GLRA2: variants seen among roughly 807,000 people sequenced by gnomAD.
GLRA2 encodes the protein glycine receptor subunit alpha-2.
Under a neutral mutation model 31.6 loss-of-function variants are expected in GLRA2, and 11 were observed. The observed-to-expected ratio is 0.35, with a 90% CI of 0.22 to 0.58. The LOEUF is 0.58. GLRA2 is among the 20% of genes least tolerant of loss of function. The probability of loss-of-function intolerance (pLI) is 0.84; values close to 1 mark genes in which losing one functional copy is unlikely to be tolerated. For missense variants in GLRA2, 212 were observed against 351.8 expected, an observed-to-expected ratio of 0.60 and a Z score of 3.18; for synonymous variants, 132 against 134.0, an observed-to-expected ratio of 0.99 and a Z score of 0.10.
At chrX:14,684,654 C>T (rs367789880) in intron 7 of GLRA2, among the ~76,000 whole-genome samples, 1 of 111,701 alleles carries the variant, frequency 9.0e-6, no homozygotes, top group African/African-American at 3.3e-5. Context: ...GTGATTTTTG[C>T]ACATTGATTT....
At chrX:14,572,983 C>T (rs190030408) in intron 2 of GLRA2, among the ~76,000 whole-genome samples, 2 of 111,742 alleles carry the variant, frequency 1.8e-5, no homozygotes, top group East Asian at 5.6e-4. Flanking sequence ...AAAGAGAGTT[C>T]TGAGGGGTAT....
intron 8 of GLRA2, among the ~76,000 whole-genome samples, chrX:14,691,345 A>G (rs1021932857): frequency 9.5e-6 from 1 of 105,007 alleles, no homozygotes; most frequent in Non-Finnish European, 1.9e-5. Context: ...GTGCGTGTAC[A>G]TCACTGATCT....
the GLRA2 span, among the ~76,000 whole-genome samples, chrX:14,454,218 A>G: frequency 4.6e-5 from 5 of 108,747 alleles, no homozygotes; most frequent in Non-Finnish European, 9.6e-5. Context: ...ACACACACAC[A>G]CACGCACACA....
the GLRA2 span, among the ~76,000 whole-genome samples, chrX:14,469,796 GTAAC>G: frequency 3.7e-5 from 4 of 107,397 alleles, no homozygotes; most frequent in African/African-American, 1.4e-4. Flanking sequence ...GTATACATAT[GTAAC>G]TAACCTGCAC....
chrX:14,627,794 T>C (rs1417526138), intron 7 of GLRA2, among the ~76,000 whole-genome samples: 1 of 111,943 alleles, frequency 8.9e-6, no homozygotes, highest in Non-Finnish European at 1.9e-5. Flanking sequence ...CCTAATAATG[T>C]TTCTTGCCCT....
intron 8 of GLRA2, among the ~76,000 whole-genome samples, chrX:14,700,630 C>G (rs999738544): frequency 9.9e-5 from 11 of 111,538 alleles, no homozygotes; most frequent in Non-Finnish European, 1.9e-4. Context: ...CAACAGCAGG[C>G]TCAGTGGAGA....
At chrX:14,688,226 C>CA (rs1333136808) in intron 7 of GLRA2, among the ~76,000 whole-genome samples, 1 of 111,438 alleles carries the variant, frequency 9.0e-6, no homozygotes, top group African/African-American at 3.3e-5. Context: ...GGGGTGCCTC[C>CA]CAGTTAGGCT....
upstream of GLRA2, among the ~76,000 whole-genome samples, chrX:14,527,173 C>A (rs2089190124): frequency 2.7e-5 from 3 of 111,582 alleles, no homozygotes; most frequent in Non-Finnish European, 5.7e-5. Context: ...GCTGAGAAAT[C>A]AAATGAGGAG....
At chrX:14,645,914 C>T (rs1484826686) in intron 7 of GLRA2, among the ~76,000 whole-genome samples, 1 of 111,885 alleles carries the variant, frequency 8.9e-6, no homozygotes, top group African/African-American at 3.3e-5. Flanking sequence ...AAAAAATTAG[C>T]TCTTCTACCT....
At chrX:14,532,139 C>T in intron 1 of GLRA2, 100 bp from the exon 2 acceptor site, 2 of 585,022 alleles carry the variant, frequency 3.4e-6, no homozygotes, top group Non-Finnish European at 5.0e-6. Context: ...ACTAACATAT[C>T]AAATATCTTT....
At chrX:14,534,626 C>G (rs2077444701) in intron 2 of GLRA2, among the ~76,000 whole-genome samples, 1 of 110,720 alleles carries the variant, frequency 9.0e-6, no homozygotes, top group African/African-American at 3.3e-5. Context: ...AGGGAAGTAC[C>G]TTATTTTATA....
At chrX:14,692,575 A>C (rs148643611) in intron 8 of GLRA2, among the ~76,000 whole-genome samples, 3,000 of 111,754 alleles carry the variant, frequency 0.027, 72 homozygotes, top group African/African-American at 0.078. Context: ...AAACATACTA[A>C]TTCTCAGCAA....
At chrX:14,469,778 T>C in the GLRA2 span, among the ~76,000 whole-genome samples, 1 of 106,638 alleles carries the variant, frequency 9.4e-6, no homozygotes, top group Admixed American at 1.0e-4. Context: ...CACACCAGCA[T>C]GGCACGTGTA....
At position 14,573,314 on chromosome X, in the gene GLRA2, C is replaced by T. The variant is rs756119446; in HGVS notation, c.203-1019C>T. Among the ~76,000 whole-genome samples the T allele has an allele frequency of 1.3e-3, 141 of 111,762 alleles. 1 individual carries two copies. Among genetic ancestry groups the T allele is most frequent in the African/African-American group, 4.6e-3 (140 of 30,753 alleles). On this transcript the variant is annotated intron_variant, in intron 2 of 8. Transcript: ENST00000218075. ...AGTGCTGCCATAACTTGTGTTTTCA[C>T]TGCCTTCGAGGGAGGCCTCAAGCCA...
chrX:14,701,412 T>C (rs985785971), intron 8 of GLRA2, among the ~76,000 whole-genome samples: 42 of 111,418 alleles, frequency 3.8e-4, no homozygotes, highest in Admixed American at 1.3e-3. Flanking sequence ...AATTTCAAGA[T>C]GGCAACAGCA....
chrX:14,457,513 T>C, the GLRA2 span, among the ~76,000 whole-genome samples: 1 of 111,917 alleles, frequency 8.9e-6, no homozygotes, highest in Non-Finnish European at 1.9e-5. Context: ...TCCATGTCCC[T>C]GCAAAGGATA....
intron 8 of GLRA2, among the ~76,000 whole-genome samples, chrX:14,715,227 G>A (rs975309884): frequency 6.3e-5 from 7 of 111,913 alleles, no homozygotes; most frequent in Admixed American, 4.7e-4. Context: ...AAAAATGGAC[G>A]GTGTTTCAAA....
chrX:14,684,367 C>T (rs1162782819), intron 7 of GLRA2, among the ~76,000 whole-genome samples: 1 of 111,500 alleles, frequency 9.0e-6, no homozygotes, highest in African/African-American at 3.3e-5. Flanking sequence ...GCATTGGTAG[C>T]TTGATTGGGG....
At chrX:14,678,028 C>T (rs960251414) in intron 7 of GLRA2, among the ~76,000 whole-genome samples, 3 of 112,077 alleles carry the variant, frequency 2.7e-5, no homozygotes, top group Non-Finnish European at 5.6e-5. Flanking sequence ...GCCAATAGCA[C>T]TGCTCCCTGG....
Sources: gnomAD v4.1 joint callset for allele counts (sites outside exome capture counted in the v4.1 genomes callset) on GRCh38, gnomAD v4.1.1 for gene constraint, MANE v1.5 for transcripts, NCBI Gene and HGNC (gene_info 2026-07-23, HGNC 2026-07-21) for gene names.